The following CYP3A43 variants were observed in gnomAD, a reference collection of about 807,000 sequenced individuals.
CYP3A43 encodes the protein cytochrome P450 family 3 subfamily A member 43.
In CYP3A43, 45 loss-of-function variants were observed where a neutral mutation model predicts 58.0. The ratio of observed to expected loss-of-function variants is 0.78; its 90% CI spans 0.61 to 0.99. CYP3A43 has a LOEUF of 0.99. Among genes scored for constraint, CYP3A43 ranks in the 50% least tolerant of loss-of-function variants. The probability of loss-of-function intolerance (pLI) is 0.00; values close to 1 mark genes in which losing one functional copy is unlikely to be tolerated. For missense variants in CYP3A43, 593 were observed against 591.9 expected, an observed-to-expected ratio of 1.00 and a Z score of -0.02; for synonymous variants, 191 against 201.4, an observed-to-expected ratio of 0.95 and a Z score of 0.44.
At chr7:99,839,726 C>T (rs868741704) in intron 3 of CYP3A43, among the ~76,000 whole-genome samples, 1 of 152,110 alleles carries the variant, frequency 6.6e-6, no homozygotes, top group Admixed American at 6.5e-5. Context: ...CCCAGTGGGT[C>T]TTCTGACCTG....
intron 4 of CYP3A43, among the ~76,000 whole-genome samples, chr7:99,845,314 TC>T (rs1817503515): frequency 6.6e-6 from 1 of 152,074 alleles, no homozygotes; most frequent in Non-Finnish European, 1.5e-5. Context: ...CTCTTTTTTT[TC>T]TTTTTCTTTT....
chr7:99,858,911 T>A (rs1818108016), intron 9 of CYP3A43, among the ~76,000 whole-genome samples: 2 of 152,076 alleles, frequency 1.3e-5, no homozygotes, highest in Non-Finnish European at 2.9e-5. Flanking sequence ...TTGGCCAGGC[T>A]GGTCTCAAAA....
intron 8 of CYP3A43, 34 bp from the exon 9 acceptor site, chr7:99,856,799 T>C (rs1233997980): frequency 1.9e-6 from 3 of 1,613,068 alleles, no homozygotes; most frequent in African/African-American, 1.3e-5. Context: ...CACAAGTGAC[T>C]TTCTGTCATT....
intron 12 of CYP3A43, 124 bp downstream of exon 12, chr7:99,863,823 G>A (rs1386515532): frequency 6.5e-6 from 5 of 772,508 alleles, no homozygotes; most frequent in South Asian, 5.1e-5. Flanking sequence ...TCTAATTGGA[G>A]CTATCCATAA....
At chr7:99,864,131 A>G (rs769140248) in intron 12 of CYP3A43, among the ~76,000 whole-genome samples, 8 of 148,610 alleles carry the variant, frequency 5.4e-5, no homozygotes, top group Non-Finnish European at 1.2e-4. Context: ...CTAGCTGTAC[A>G]TTGGAATCAC....
intron 1 of CYP3A43, among the ~76,000 whole-genome samples, chr7:99,830,576 T>C (rs1387007108): frequency 6.6e-6 from 1 of 152,170 alleles, no homozygotes; most frequent in Non-Finnish European, 1.5e-5. Flanking sequence ...CTAAGGTTGA[T>C]AATACTTGTT....
chr7:99,831,876 T>C (rs2151586858), intron 1 of CYP3A43, among the ~76,000 whole-genome samples: 1 of 152,354 alleles, frequency 6.6e-6, no homozygotes, highest in East Asian at 1.9e-4. Flanking sequence ...CTTTAGTCAT[T>C]GGTTCCTCTG....
At chr7:99,856,540 A>C (rs984370822) in intron 8 of CYP3A43, among the ~76,000 whole-genome samples, 4 of 152,182 alleles carry the variant, frequency 2.6e-5, no homozygotes, top group African/African-American at 9.7e-5. Flanking sequence ...TGAGCTGACA[A>C]CTCTTTGGCC....
intron 2 of CYP3A43, among the ~76,000 whole-genome samples, chr7:99,837,318 C>CAAAAAAAAA (rs35566033): frequency 1.5e-5 from 1 of 66,686 alleles, no homozygotes; most frequent in African/African-American, 4.4e-5. Context: ...GACTGTGTCT[C>CAAAAAAAAA]AAAAAAAAAA....
chr7:99,859,733 CTT>C (rs1584238243), intron 9 of CYP3A43, 95 bp from the exon 10 acceptor site: 1 of 1,505,380 alleles, frequency 6.6e-7, no homozygotes, highest in Non-Finnish European at 9.1e-7. Flanking sequence ...TATTTTTGCT[CTT>C]AGGGATTTGG....
At chr7:99,855,979 C>A (rs45480594) in intron 8 of CYP3A43, among the ~76,000 whole-genome samples, 9,699 of 152,130 alleles carry the variant, frequency 0.064, 971 homozygotes, top group African/African-American at 0.21. Flanking sequence ...GAAGCTTTAC[C>A]GCTTCTCTTC....
intron 7 of CYP3A43, among the ~76,000 whole-genome samples, chr7:99,852,376 C>G (rs756213397): frequency 2.6e-5 from 4 of 152,064 alleles, no homozygotes; most frequent in Admixed American, 6.6e-5. Context: ...TCTGCAGATC[C>G]ATTTGAGAAG....
intron 7 of CYP3A43, among the ~76,000 whole-genome samples, chr7:99,851,728 T>C (rs1817769227): frequency 6.6e-6 from 1 of 152,246 alleles, no homozygotes; most frequent in Non-Finnish European, 1.5e-5. Context: ...ACATGTCTTT[T>C]TACTTTCTTG....
At chr7:99,838,001 G>A (rs1039054406) in intron 2 of CYP3A43, among the ~76,000 whole-genome samples, 8 of 152,102 alleles carry the variant, frequency 5.3e-5, no homozygotes, top group South Asian at 2.1e-4. Context: ...TTTACCCCCC[G>A]AAAAAGCAAT....
At chr7:99,857,471 G>A (rs1818026814) in intron 9 of CYP3A43, among the ~76,000 whole-genome samples, 1 of 152,110 alleles carries the variant, frequency 6.6e-6, no homozygotes, top group Non-Finnish European at 1.5e-5. Flanking sequence ...GCAAAATAAT[G>A]ACCATGATCG....
chr7:99,843,963 G>A (rs1048744571), intron 3 of CYP3A43, among the ~76,000 whole-genome samples, 180 bp from the exon 4 acceptor site: 22 of 152,196 alleles, frequency 1.4e-4, no homozygotes, highest in Admixed American at 1.3e-4. Context: ...AGTGGCTTCC[G>A]TGGTGAGAAT....
At chr7:99,834,961 A>G (rs113907423) in intron 1 of CYP3A43, among the ~76,000 whole-genome samples, 1 of 152,188 alleles carries the variant, frequency 6.6e-6, no homozygotes, top group African/African-American at 2.4e-5. Flanking sequence ...GCTGCCAGCT[A>G]TGTTTTCAGC....
rs780902881 is a variant in CYP3A43, at chr7:99,855,714, A to G, written c.794A>G (p.Gln265Arg). 1.2e-6 allele frequency: 2 copies of G among 1,606,442 alleles called. No individual in the cohort carries two copies. Among genetic ancestry groups the G allele is most frequent in the South Asian group, 2.2e-5 (2 of 89,466 alleles). Residue 265 changes from glutamine (Q) to arginine (R), a missense_variant, in exon 8 of 13, where the codon CAA becomes CGA. Coordinates refer to ENST00000354829, the MANE Select transcript of CYP3A43 (RefSeq NM_057095.3). ...RMKESRLKDK[Q>R]KHRVDFFQQM... ...AAAGAAAGTCGCCTCAAAGATAAAC[A>G]AAAGGTAAAATCTGGTGGTGGTGAC...
At chr7:99,853,484 G>A (rs1817839526) in intron 7 of CYP3A43, among the ~76,000 whole-genome samples, 1 of 143,426 alleles carries the variant, frequency 7.0e-6, no homozygotes, top group Admixed American at 6.7e-5. Flanking sequence ...CTAGTAAACT[G>A]AGTCATCTCT....
Sources: gnomAD v4.1 joint callset for allele counts (sites outside exome capture counted in the v4.1 genomes callset) on GRCh38, gnomAD v4.1.1 for gene constraint, MANE v1.5 for transcripts, NCBI Gene and HGNC (gene_info 2026-07-23, HGNC 2026-07-21) for gene names.